Variants in CACUL1 observed in about 807,000 individuals in gnomAD.
CACUL1 encodes CDK2 associated cullin domain 1, also known as CDK2-associated and cullin domain-containing protein 1.
Under a neutral mutation model 45.2 loss-of-function variants are expected in CACUL1, and 13 were observed. The ratio of observed to expected loss-of-function variants is 0.29; its 90% CI spans 0.19 to 0.46. CACUL1 has a LOEUF of 0.46. Ranked by LOEUF, CACUL1 falls within the 20% of genes least tolerant of loss-of-function variation. CACUL1 has a pLI of 1.00. For synonymous variants in CACUL1, 197 were observed against 174.2 expected (o/e 1.13, Z -1.03); for missense variants, 421 against 471.4 (o/e 0.89, Z 0.99).
At chr10:118,721,932 T>C (rs1468116632) in intron 3 of CACUL1, among the ~76,000 whole-genome samples, 1 of 152,086 alleles carries the variant, frequency 6.6e-6, no homozygotes, top group Non-Finnish European at 1.5e-5. Flanking sequence ...ATAGAAAAAA[T>C]GAAATGAGGA....
At chr10:118,741,711 G>GCC (rs1845794652) in intron 1 of CACUL1, among the ~76,000 whole-genome samples, 1 of 152,044 alleles carries the variant, frequency 6.6e-6, no homozygotes, top group Non-Finnish European at 1.5e-5. Flanking sequence ...ACCCTAACTA[G>GCC]CCCCTAGACC....
chr10:118,688,615 A>C (rs993396508), intron 7 of CACUL1, among the ~76,000 whole-genome samples: 5 of 152,048 alleles, frequency 3.3e-5, no homozygotes, highest in Admixed American at 2.6e-4. Flanking sequence ...AAAAAGCCCA[A>C]ATTTCGGCGT....
At chr10:118,751,835 A>G (rs1845901269) in intron 1 of CACUL1, among the ~76,000 whole-genome samples, 1 of 152,230 alleles carries the variant, frequency 6.6e-6, no homozygotes, top group African/African-American at 2.4e-5. Context: ...TGTACCATTT[A>G]TTTAGATTAT....
At chr10:118,731,992 C>T (rs1845701329) in intron 1 of CACUL1, among the ~76,000 whole-genome samples, 1 of 152,192 alleles carries the variant, frequency 6.6e-6, no homozygotes, top group East Asian at 1.9e-4. Context: ...ACCGTACATG[C>T]ACGTGCGCAA....
intron 1 of CACUL1, among the ~76,000 whole-genome samples, chr10:118,741,652 T>C (rs947666815): frequency 2.0e-5 from 3 of 152,206 alleles, no homozygotes; most frequent in South Asian, 4.1e-4. Context: ...TCTTTTAAAA[T>C]TGTATTTGTT....
rs1845466940 is a variant in CACUL1, at chr10:118,709,778, C to T, written c.598-2191G>A. Among the ~76,000 whole-genome samples, 7 of 152,304 alleles carry T rather than the reference C, an allele frequency of 4.6e-5. No homozygotes were observed. In the South Asian group the frequency reaches 1.2e-3, roughly 27 times the overall value. ...TACTATTTTCAAATAAGATTCAACTCATATTTCAGTTCTACTTAGAAGCTT... is the reference window on the plus strand; with the variant it reads ...TACTATTTTCAAATAAGATTCAACTTATATTTCAGTTCTACTTAGAAGCTT... On this transcript the variant is annotated intron_variant, in intron 3 of 8. Transcript: ENST00000369151.
At position 118,754,811 on chromosome 10, in the gene CACUL1, C is replaced by G; in HGVS notation, c.-49G>C. The stretch of plus-strand genomic sequence containing the variant: ...CGCCTCACAGGCACCTGCCGCCTGT[C>G]TCAACCCCGGGCCAGCGGGCACCGC... On this transcript the variant is annotated 5_prime_UTR_variant, in exon 1 of 9. Transcript: ENST00000369151. 1 of 1,511,756 alleles carries G rather than the reference C, an allele frequency of 6.6e-7. No individual in the cohort carries two copies. The highest frequency in any genetic ancestry group is 8.8e-7 in the Non-Finnish European group (1 of 1,134,852). 93.6% of individuals were successfully genotyped at this position (1,511,756 alleles called of 1,614,324 possible).
chr10:118,727,559 T>C (rs1312393655), intron 3 of CACUL1, among the ~76,000 whole-genome samples: 1 of 152,190 alleles, frequency 6.6e-6, no homozygotes, highest in African/African-American at 2.4e-5. Context: ...CACTGTGATA[T>C]ATACAGAACT....
chr10:118,736,620 C>T (rs983834445), intron 1 of CACUL1, among the ~76,000 whole-genome samples: 2 of 152,070 alleles, frequency 1.3e-5, no homozygotes, highest in South Asian at 4.1e-4. Flanking sequence ...TGGGATTACA[C>T]ACGTGAGCCA....
Position 118,689,633 on chromosome 10 carries a change from T to C in CACUL1, c.1025+1632A>G, listed in dbSNP as rs367692196. On this transcript the variant is annotated intron_variant, in intron 7 of 8. Transcript: ENST00000369151. ...CTTCATGTGCAGACACAATGCAACC[T>C]GAGGTTATTTACAGAGGCAGTTACT... Among the ~76,000 whole-genome samples the C allele has an allele frequency of 2.6e-4, 39 of 152,300 alleles. No homozygotes were observed. The East Asian group carries it at 2.7e-3, about 11-fold the overall frequency.
chr10:118,738,156 G>A (rs761780856), intron 1 of CACUL1, among the ~76,000 whole-genome samples: 3 of 152,170 alleles, frequency 2.0e-5, no homozygotes, highest in Non-Finnish European at 4.4e-5. Flanking sequence ...TGCCCTGTAG[G>A]CCCCTGAGAA....
intron 5 of CACUL1, among the ~76,000 whole-genome samples, chr10:118,700,716 CAAAA>C (rs59032746): frequency 7.5e-6 from 1 of 132,946 alleles, no homozygotes; most frequent in Non-Finnish European, 1.5e-5. Context: ...GACTCCGTCT[CAAAA>C]AAAAAAAAAA....
rs1845116067 is a variant in CACUL1 at position 118,678,210 on chromosome 10, T to G, written c.*7918A>C. On this transcript the variant is annotated 3_prime_UTR_variant, in exon 9 of 9. Transcript: ENST00000369151. ...TTCAGGTGCTCTTTAGCAGTTATAT[T>G]ATGAATATTTGTATCTTATTCCAGA... 1 of 152,236 alleles carries G rather than the reference T, an allele frequency of 6.6e-6. No individual in the cohort carries two copies. Among genetic ancestry groups the G allele is most frequent in the African/African-American group, 2.4e-5 (1 of 41,460 alleles). The allele number at this position is 152,236 out of a possible 1,614,324, so 9.4% of individuals were successfully genotyped here.
chr10:118,749,252 G>A (rs1195035191), intron 1 of CACUL1, among the ~76,000 whole-genome samples: 1 of 152,180 alleles, frequency 6.6e-6, no homozygotes, highest in Non-Finnish European at 1.5e-5. Flanking sequence ...GTGACGAAGT[G>A]GAAATAACTT....
At chr10:118,743,119 T>G (rs1243028190) in intron 1 of CACUL1, among the ~76,000 whole-genome samples, 1 of 151,344 alleles carries the variant, frequency 6.6e-6, no homozygotes, top group African/African-American at 2.4e-5. Context: ...GATTAGATAC[T>G]AAAAAAGAAA....
At chr10:118,693,969 C>A (rs1845296384) in intron 6 of CACUL1, among the ~76,000 whole-genome samples, 1 of 152,152 alleles carries the variant, frequency 6.6e-6, no homozygotes, top group Non-Finnish European at 1.5e-5. Flanking sequence ...GGCTGGAGTG[C>A]AGTGGTACAA....
intron 1 of CACUL1, among the ~76,000 whole-genome samples, chr10:118,747,611 ATAAG>A (rs539880099): frequency 2.2e-3 from 334 of 152,108 alleles, no homozygotes; most frequent in African/African-American, 7.3e-3. Flanking sequence ...AGAAAAATGA[ATAAG>A]TAACTGACAT....
intron 7 of CACUL1, among the ~76,000 whole-genome samples, chr10:118,688,738 A>C (rs985919490): frequency 4.6e-5 from 7 of 152,212 alleles, no homozygotes; most frequent in Non-Finnish European, 8.8e-5. Context: ...CTCGCCAATC[A>C]ATTCAATTAT....
At chr10:118,745,857 G>A (rs150402731) in intron 1 of CACUL1, among the ~76,000 whole-genome samples, 1 of 151,942 alleles carries the variant, frequency 6.6e-6, no homozygotes, top group East Asian at 1.9e-4. Flanking sequence ...AAGTAGTCTT[G>A]GCTGGGAATG....
Sources: allele counts gnomAD v4.1 joint callset (sites outside exome capture counted in the v4.1 genomes callset), GRCh38; gene constraint gnomAD v4.1.1; transcripts MANE v1.5; gene names NCBI Gene and HGNC (gene_info 2026-07-23, HGNC 2026-07-21).